The following CFAP53 variants were observed in gnomAD, a reference collection of about 807,000 sequenced individuals.
CFAP53 encodes cilia- and flagella-associated protein 53.
In CFAP53, 62 loss-of-function variants were observed where a neutral mutation model predicts 59.7. The ratio of observed to expected loss-of-function variants is 1.04; its 90% confidence interval spans 0.85 to 1.28. The LOEUF (loss-of-function observed/expected upper bound fraction) is 1.28. CFAP53 is among the 50% of genes most tolerant of loss of function. CFAP53 has a pLI of 0.00. For missense variants in CFAP53, 629 were observed against 615.6 expected (o/e 1.02, Z -0.23); for synonymous variants, 218 against 205.7 (o/e 1.06, Z -0.51).
chr18:50,247,147 G>T (rs2144417209), intron 5 of CFAP53, among the ~76,000 whole-genome samples: 1 of 152,016 alleles, frequency 6.6e-6, no homozygotes, highest in African/African-American at 2.4e-5. Flanking sequence ...ATAGAGAATA[G>T]CCTTCAAATA....
chr18:50,253,625 G>A (rs1265775325), intron 3 of CFAP53, among the ~76,000 whole-genome samples: 1 of 152,084 alleles, frequency 6.6e-6, no homozygotes, highest in East Asian at 1.9e-4. Context: ...AATCAATATG[G>A]CAATGAACAT....
intron 1 of CFAP53, 81 bp downstream of exon 1, chr18:50,266,255 G>T (rs1033035589): frequency 1.7e-5 from 23 of 1,381,698 alleles, no homozygotes; most frequent in Non-Finnish European, 2.0e-5. Context: ...CCCGGGTGGG[G>T]GCCGAAGTGG....
At chr18:50,231,384 G>A (rs1006384087) in intron 7 of CFAP53, among the ~76,000 whole-genome samples, 1 of 152,168 alleles carries the variant, frequency 6.6e-6, no homozygotes, top group Non-Finnish European at 1.5e-5. Context: ...TTGGTAGCCT[G>A]TATGGGAAAC....
chr18:50,254,750 C>A (rs1250362920), intron 3 of CFAP53, among the ~76,000 whole-genome samples: 6 of 152,000 alleles, frequency 3.9e-5, no homozygotes, highest in Non-Finnish European at 8.8e-5. Context: ...ATTAGCCGGG[C>A]TTGGTTGGTG....
chr18:50,237,114 G>A (rs550722260), intron 7 of CFAP53, among the ~76,000 whole-genome samples: 1 of 150,652 alleles, frequency 6.6e-6, no homozygotes, highest in Admixed American at 6.7e-5. Flanking sequence ...AGACCAGCCT[G>A]GCTAAGGTGG....
intron 5 of CFAP53, among the ~76,000 whole-genome samples, chr18:50,245,388 C>CA (rs57613061): frequency 1.2e-4 from 11 of 93,962 alleles, no homozygotes; most frequent in East Asian, 3.2e-4. Context: ...GACTCCGTCT[C>CA]AAAAAAAAAA....
chr18:50,237,766 G>C (rs1038874119), intron 7 of CFAP53, among the ~76,000 whole-genome samples: 1 of 152,160 alleles, frequency 6.6e-6, no homozygotes, highest in Non-Finnish European at 1.5e-5. Context: ...GTGGTGATCA[G>C]AAGGACACTA....
At chr18:50,260,570 T>G (rs1474456080) in intron 3 of CFAP53, among the ~76,000 whole-genome samples, 1 of 151,764 alleles carries the variant, frequency 6.6e-6, no homozygotes, top group African/African-American at 2.4e-5. Flanking sequence ...GAGGCTGAGG[T>G]GGGAGGATCA....
At chr18:50,231,944 A>C (rs1003598845) in intron 7 of CFAP53, among the ~76,000 whole-genome samples, 10 of 152,166 alleles carry the variant, frequency 6.6e-5, no homozygotes, top group African/African-American at 2.4e-4. Context: ...TCCTGGGCCA[A>C]CACAGGCAGA....
At chr18:50,234,373 TAA>T (rs1277442547) in intron 7 of CFAP53, among the ~76,000 whole-genome samples, 2 of 152,198 alleles carry the variant, frequency 1.3e-5, no homozygotes, top group African/African-American at 4.8e-5. Flanking sequence ...CATTAATGTT[TAA>T]AACTCTTATC....
chr18:50,234,421 T>C (rs11660862), intron 7 of CFAP53, among the ~76,000 whole-genome samples: 99,975 of 152,002 alleles, frequency 0.66, 33,609 homozygotes, highest in Admixed American at 0.74. Context: ...CAAGTAAAAC[T>C]TTCCTCCCTT....
chr18:50,260,481 A>G (rs1046358617), intron 3 of CFAP53, among the ~76,000 whole-genome samples: 2 of 152,068 alleles, frequency 1.3e-5, no homozygotes, highest in African/African-American at 4.8e-5. Context: ...GCGCAACATG[A>G]CGAAACCCCC....
chr18:50,262,167 C>T lies in CFAP53; in HGVS notation c.122G>A (p.Arg41Gln), dbSNP rs370910202. ...QGAEHHLERI[R>Q]RSHQKHNAIL... ...AGCATTATGCTTCTGATGGCTGCGT[C>T]GGATTCTTTCTAGATGGTGCTCAGC... is the stretch of plus-strand genomic sequence containing the variant. Residue 41 changes from arginine (R) to glutamine (Q), a missense_variant, in exon 2 of 8, where the codon CGA becomes CAA. By Grantham distance (43) the Arg-to-Gln change is conservative. Coordinates refer to ENST00000398545, the MANE Select transcript of CFAP53 (RefSeq NM_145020.5). 18 of 1,614,060 alleles carry T rather than the reference C, an allele frequency of 1.1e-5. No individual in the cohort carries two copies. In the East Asian group the frequency reaches 2.2e-4, roughly 20 times the overall value.
chr18:50,262,458 T>C (rs562564812), intron 1 of CFAP53, among the ~76,000 whole-genome samples: 1 of 152,270 alleles, frequency 6.6e-6, no homozygotes, highest in African/African-American at 2.4e-5. Flanking sequence ...ATTTGAAAAA[T>C]AGTTGATGGA....
Position 50,251,637 on chromosome 18 carries a change from T to C in CFAP53, c.621A>G (p.Glu207=). 6.2e-7 allele frequency: 1 copy of C among 1,614,214 alleles called. No homozygotes were observed. Among genetic ancestry groups the C allele is most frequent in the Non-Finnish European group, 8.5e-7 (1 of 1,180,046 alleles). ...EEQMFSKLWE[E]DRLAKEKREA... ...CTCGCTTTTCCTTGGCTAATCGGTC[T>C]TCCTCCCAGAGTTTGGAGAACATCT... The change falls in exon 4 of 8, where the codon GAA becomes GAG. Residue 207 remains glutamate, a synonymous_variant. Coordinates refer to ENST00000398545, the MANE Select transcript of CFAP53 (RefSeq NM_145020.5).
rs759482744 is a variant in CFAP53, at chr18:50,251,612, C to T, written c.646G>A (p.Glu216Lys). The change falls in exon 4 of 8, where the codon GAA becomes AAA. Residue 216 changes from glutamate (E) to lysine (K), a missense_variant. Glu to Lys is a moderately conservative substitution (Grantham distance 56). Coordinates refer to ENST00000398545, the MANE Select transcript of CFAP53 (RefSeq NM_145020.5). ...EEDRLAKEKR[E>K]AQEARRQKEL... ...TTCTGTCTCCTCGCCTCTTGGGCTT[C>T]TCGCTTTTCCTTGGCTAATCGGTCT... The T allele has an allele frequency of 1.1e-5, 17 of 1,614,212 alleles. No homozygotes were observed. The East Asian group carries it at 3.3e-4, about 32-fold the overall frequency.
chr18:50,263,119 AAATG>A, intron 1 of CFAP53, among the ~76,000 whole-genome samples: 1 of 152,228 alleles, frequency 6.6e-6, no homozygotes, highest in East Asian at 1.9e-4. Flanking sequence ...TCCTCAATAG[AAATG>A]AATGAATGAA....
At chr18:50,254,181 G>A (rs538244506) in intron 3 of CFAP53, among the ~76,000 whole-genome samples, 19 of 149,374 alleles carry the variant, frequency 1.3e-4, no homozygotes, top group Non-Finnish European at 2.4e-4. Flanking sequence ...ACCACGTATC[G>A]GACAAAGAAG....
chr18:50,250,728 C>CA, intron 5 of CFAP53, 30 bp downstream of exon 5: 1 of 1,547,622 alleles, frequency 6.5e-7, no homozygotes, highest in Non-Finnish European at 8.9e-7. Context: ...TCCCTTCCAG[C>CA]AGGTAGCAGG....
Sources: allele counts gnomAD v4.1 joint callset (sites outside exome capture counted in the v4.1 genomes callset), GRCh38; gene constraint gnomAD v4.1.1; transcripts MANE v1.5; gene names NCBI Gene and HGNC (gene_info 2026-07-23, HGNC 2026-07-21).